Variants in SGCZ observed in about 807,000 individuals in gnomAD.
SGCZ encodes sarcoglycan zeta.
Under a neutral mutation model 41.3 loss-of-function variants are expected in SGCZ, and 40 were observed. The observed-to-expected ratio is 0.97, with a 90% CI of 0.75 to 1.26. The LOEUF (loss-of-function observed/expected upper bound fraction) is 1.26. Among genes scored for constraint, SGCZ ranks in the 50% most tolerant of loss-of-function variants. The pLI is 0.00. For synonymous variants in SGCZ, 206 were observed against 137.5 expected, an observed-to-expected ratio of 1.50 and a Z score of -3.49; for missense variants, 552 against 369.8, an observed-to-expected ratio of 1.49 and a Z score of -4.04.
chr8:15,065,317 G>A (rs1261269449), intron 1 of SGCZ, among the ~76,000 whole-genome samples: 1 of 151,960 alleles, frequency 6.6e-6, no homozygotes, highest in African/African-American at 2.4e-5. Flanking sequence ...TTCTTTCCAT[G>A]TTAAAATTCC....
chr8:14,877,783 T>C (rs1342038508), intron 1 of SGCZ, among the ~76,000 whole-genome samples: 1 of 152,104 alleles, frequency 6.6e-6, no homozygotes, highest in Non-Finnish European at 1.5e-5. Flanking sequence ...AACGAATATA[T>C]TTATTCGTTT....
At chr8:14,747,122 T>A (rs1285490170) in intron 1 of SGCZ, among the ~76,000 whole-genome samples, 2 of 152,170 alleles carry the variant, frequency 1.3e-5, no homozygotes, top group Non-Finnish European at 2.9e-5. Context: ...CTCTTACGGT[T>A]AGGATTATTT....
chr8:15,161,866 A>ATCTAT (rs1251238549), intron 1 of SGCZ, among the ~76,000 whole-genome samples: 1 of 152,050 alleles, frequency 6.6e-6, no homozygotes, highest in East Asian at 1.9e-4. Flanking sequence ...GAAACCCCAT[A>ATCTAT]TCTATAAAAA....
chr8:14,513,475 T>C (rs1802523145), intron 2 of SGCZ, among the ~76,000 whole-genome samples: 1 of 99,304 alleles, frequency 1.0e-5, no homozygotes, highest in African/African-American at 4.4e-5. Context: ...ATACTTCAGG[T>C]TATTTTAGAC....
At chr8:14,962,718 T>A (rs1801002029) in intron 1 of SGCZ, among the ~76,000 whole-genome samples, 1 of 152,208 alleles carries the variant, frequency 6.6e-6, no homozygotes, top group African/African-American at 2.4e-5. Flanking sequence ...ACAGAGATAA[T>A]TGTCTAAACA....
intron 1 of SGCZ, among the ~76,000 whole-genome samples, chr8:14,689,391 G>A (rs537277833): frequency 6.6e-6 from 1 of 152,236 alleles, no homozygotes; most frequent in East Asian, 1.9e-4. Flanking sequence ...TTATAAAGAT[G>A]TATATGTCAA....
At chr8:14,338,728 G>C (rs977617455) in intron 2 of SGCZ, among the ~76,000 whole-genome samples, 4 of 152,130 alleles carry the variant, frequency 2.6e-5, no homozygotes, top group African/African-American at 7.2e-5. Flanking sequence ...TTATGAAATA[G>C]AGTGAACAAA....
chr8:15,074,888 A>T (rs1187062858), intron 1 of SGCZ, among the ~76,000 whole-genome samples: 3 of 152,142 alleles, frequency 2.0e-5, no homozygotes, highest in African/African-American at 7.2e-5. Flanking sequence ...CCACCCCTGA[A>T]TCTGAGTACC....
chr8:14,534,721 C>A (rs1803242934), intron 2 of SGCZ, among the ~76,000 whole-genome samples: 1 of 151,928 alleles, frequency 6.6e-6, no homozygotes, highest in Non-Finnish European at 1.5e-5. Flanking sequence ...ACCTTCAAAC[C>A]AAGTATAAAC....
At chr8:14,395,778 T>A (rs1488675742) in intron 2 of SGCZ, among the ~76,000 whole-genome samples, 1 of 152,192 alleles carries the variant, frequency 6.6e-6, no homozygotes, top group African/African-American at 2.4e-5. Context: ...AGTATCAGGA[T>A]ATAAAATCGA....
At chr8:14,607,171 C>T (rs181662427) in intron 1 of SGCZ, among the ~76,000 whole-genome samples, 1 of 152,084 alleles carries the variant, frequency 6.6e-6, no homozygotes, top group Non-Finnish European at 1.5e-5. Context: ...TGAACAAAAC[C>T]ATAAATTTAT....
chr8:14,347,037 T>C (rs1439929117), intron 2 of SGCZ, among the ~76,000 whole-genome samples: 2 of 152,136 alleles, frequency 1.3e-5, no homozygotes, highest in Non-Finnish European at 2.9e-5. Flanking sequence ...AGAAAACTAA[T>C]GCATCTGTCC....
intron 2 of SGCZ, among the ~76,000 whole-genome samples, chr8:14,381,848 T>C (rs973394256): frequency 2.6e-5 from 4 of 152,168 alleles, no homozygotes; most frequent in African/African-American, 9.7e-5. Flanking sequence ...CTAGGCTTTA[T>C]GCACACTAAT....
chr8:14,851,368 C>CAAAAA (rs369090223), intron 1 of SGCZ, among the ~76,000 whole-genome samples: 17 of 61,896 alleles, frequency 2.7e-4, no homozygotes, highest in African/African-American at 7.0e-4. Flanking sequence ...GACTCCATCT[C>CAAAAA]AAAAAAAAAA....
intron 1 of SGCZ, among the ~76,000 whole-genome samples, chr8:15,031,521 A>C (rs901344675): frequency 6.6e-6 from 1 of 152,196 alleles, no homozygotes; most frequent in Non-Finnish European, 1.5e-5. Context: ...AGGACTTTAC[A>C]TGTATTAATT....
intron 1 of SGCZ, among the ~76,000 whole-genome samples, chr8:14,630,967 A>C (rs1806629683): frequency 6.6e-6 from 1 of 152,096 alleles, no homozygotes; most frequent in Non-Finnish European, 1.5e-5. Flanking sequence ...ACATGTATAC[A>C]TATGTAACAA....
At chr8:14,914,553 G>A (rs1019389619) in intron 1 of SGCZ, among the ~76,000 whole-genome samples, 3 of 151,804 alleles carry the variant, frequency 2.0e-5, no homozygotes, top group Non-Finnish European at 2.9e-5. Context: ...ATTTAAAAAA[G>A]GCTTATCAAG....
Position 14,621,201 on chromosome 8 carries a change from A to G in SGCZ, c.40-66275T>C, listed in dbSNP as rs185881566. ...ACTATCACAAGGACAAAAAACCAAA[A>G]CCGCATGTTCTCACTCATAGGTGGG... On this transcript the variant is annotated intron_variant, in intron 1 of 7. Coordinates refer to ENST00000382080, the MANE Select transcript of SGCZ (RefSeq NM_139167.4). Among the ~76,000 whole-genome samples the G allele has an allele frequency of 9.1e-3, 1,345 of 147,126 alleles. 15 individuals are homozygous for G. Among genetic ancestry groups the G allele is most frequent in the Middle Eastern group, 0.043 (12 of 282 alleles).
chr8:14,298,999 C>T (rs938733481), intron 3 of SGCZ, among the ~76,000 whole-genome samples: 4 of 151,956 alleles, frequency 2.6e-5, no homozygotes, highest in African/African-American at 9.7e-5. Flanking sequence ...TAATGAAAGA[C>T]ATATAGGTCA....
Sources: gnomAD v4.1 joint callset for allele counts (sites outside exome capture counted in the v4.1 genomes callset) on GRCh38, gnomAD v4.1.1 for gene constraint, MANE v1.5 for transcripts, NCBI Gene and HGNC (gene_info 2026-07-23, HGNC 2026-07-21) for gene names.